The following KDM4B variants were observed in gnomAD, a reference collection of about 807,000 sequenced individuals.
KDM4B encodes the protein lysine demethylase 4B.
In KDM4B, 32 loss-of-function variants were observed where a neutral mutation model predicts 125.2. The ratio of observed to expected loss-of-function variants is 0.26; its 90% CI spans 0.19 to 0.34. The LOEUF is 0.34. Ranked by LOEUF, KDM4B falls within the 10% of genes least tolerant of loss-of-function variation. KDM4B has a pLI of 1.00. For synonymous variants in KDM4B, 721 were observed against 677.9 expected, an observed-to-expected ratio of 1.06 and a Z score of -0.99; for missense variants, 1,190 against 1,577.7, an observed-to-expected ratio of 0.75 and a Z score of 4.16.
At position 5,151,631 on chromosome 19, in the gene KDM4B, C is replaced by T. The variant is rs1409450050; in HGVS notation, c.*120C>T. The T allele has an allele frequency of 2.5e-5, 23 of 921,786 alleles. 1 individual carries two copies. Among genetic ancestry groups the T allele is most frequent in the East Asian group, 1.3e-4 (4 of 30,240 alleles). 57.1% of individuals were successfully genotyped at this position (921,786 alleles called of 1,614,324 possible). The stretch of plus-strand genomic sequence containing the variant: ...GACCCCCGAGAGGCCACCTCCAAGC[C>T]GCGGGTGCCCCCTAGGGCGACAGGA... On this transcript the variant is annotated 3_prime_UTR_variant, in exon 23 of 23. Transcript: ENST00000159111.
chr19:5,076,685 C>T (rs1599564913), intron 7 of KDM4B: 1 of 162,590 alleles, frequency 6.2e-6, no homozygotes. Context: ...ACACTGCGTC[C>T]TTTCCCCAGG....
rs550433965 is a variant in KDM4B, at chr19:5,125,717, T to C, written c.1316-5359T>C. Among the ~76,000 whole-genome samples, 103 of 152,274 alleles carry C rather than the reference T, an allele frequency of 6.8e-4. 1 individual carries two copies. The highest frequency in any genetic ancestry group is 2.4e-3 in the African/African-American group (98 of 41,566). ...GGGACCAGCGAGGAGGGTTAGGGGC[T>C]ACGTTGGTGGCACGTCAGGGTCTCT... On this transcript the variant is annotated intron_variant, in intron 11 of 22. Transcript: ENST00000159111.
chr19:5,137,844 G>C (rs529391785), intron 17 of KDM4B, 118 bp from the exon 18 acceptor site: 464 of 1,062,796 alleles, frequency 4.4e-4, no homozygotes, highest in Non-Finnish European at 5.7e-4. Context: ...CGCCTGCACC[G>C]ACCTTCCTGA....
intron 1 of KDM4B, among the ~76,000 whole-genome samples, chr19:4,978,810 G>A (rs1457965297): frequency 2.0e-5 from 3 of 152,192 alleles, no homozygotes; most frequent in African/African-American, 7.2e-5. Context: ...CTGGGAGCTC[G>A]GGCAGCATGG....
In KDM4B at chr19:5,153,409, C is replaced by T. The variant is rs1416263632; in HGVS notation, c.*1898C>T. Reference sequence around the variant, plus strand: ...TCCTGGGCGGCCTGCGCAGATGGGCCACAGAAGGGCAGGCCGGAGCTGCAC... The same window carrying T: ...TCCTGGGCGGCCTGCGCAGATGGGCTACAGAAGGGCAGGCCGGAGCTGCAC... On this transcript the variant is annotated 3_prime_UTR_variant, in exon 23 of 23. Coordinates refer to ENST00000159111, the MANE Select transcript of KDM4B (RefSeq NM_015015.3). 6.6e-6 allele frequency: 1 copy of T among 152,290 alleles called. No individual in the cohort carries two copies. The highest frequency in any genetic ancestry group is 1.5e-5 in the Non-Finnish European group (1 of 68,086). The allele number at this position is 152,290 out of a possible 1,614,324, so 9.4% of individuals were successfully genotyped here. A position where few individuals can be genotyped will look rare whatever the true frequency, so the allele number is the denominator to read the frequency against.
rs1477350415 is a variant in KDM4B, at chr19:5,153,444, A to G, written c.*1933A>G. 3.3e-5 allele frequency: 5 copies of G among 152,244 alleles called. No individual in the cohort carries two copies. Among genetic ancestry groups the G allele is most frequent in the Non-Finnish European group, 7.3e-5 (5 of 68,062 alleles). 9.4% of individuals were successfully genotyped at this position (152,244 alleles called of 1,614,324 possible). A position where few individuals can be genotyped will look rare whatever the true frequency, so the allele number is the denominator to read the frequency against. ...CAGGCCGGAGCTGCACACTCTCCCC[A>G]CGAAGGTATCTCTGTGTCTTACTCT... On this transcript the variant is annotated 3_prime_UTR_variant, in exon 23 of 23. Coordinates refer to ENST00000159111, the MANE Select transcript of KDM4B (RefSeq NM_015015.3).
At chr19:5,133,759 C>A in intron 13 of KDM4B, 124 bp from the exon 14 acceptor site, 1 of 950,752 alleles carries the variant, frequency 1.1e-6, no homozygotes, top group South Asian at 1.6e-5. Context: ...AGCTATGGGC[C>A]AGGGACCCTG....
At position 4,997,343 on chromosome 19, in the gene KDM4B, T is replaced by C. The variant is rs747263151; in HGVS notation, c.-108-18914T>C. The stretch of plus-strand genomic sequence containing the variant: ...CGAGTTTGTGTCCCACTTAGAGAGG[T>C]TTCCCCCGCCCTAGGAGTCCAGGAG... On this transcript the variant is annotated intron_variant, in intron 1 of 22. Transcript: ENST00000159111. This position sits in a 1 kb window ranked among gnomAD's most constrained non-coding sequence, Gnocchi z 4.2. 6.6e-6 allele frequency among the ~76,000 whole-genome samples: 1 copy of C among 152,072 alleles called. No individual in the cohort carries two copies. Among genetic ancestry groups the C allele is most frequent in the African/African-American group, 2.4e-5 (1 of 41,410 alleles).
intron 6 of KDM4B, among the ~76,000 whole-genome samples, chr19:5,049,705 A>G (rs1439332147): frequency 4.6e-5 from 7 of 152,064 alleles, no homozygotes; most frequent in Admixed American, 4.6e-4. Flanking sequence ...ACAGGCATAG[A>G]CCAGGTGACC....
At chr19:5,008,315 T>C (rs2035622939) in intron 1 of KDM4B, among the ~76,000 whole-genome samples, 1 of 152,242 alleles carries the variant, frequency 6.6e-6, no homozygotes, top group African/African-American at 2.4e-5. Flanking sequence ...GAAAATCACC[T>C]GACTTTAAGC....
intron 1 of KDM4B, among the ~76,000 whole-genome samples, chr19:4,974,046 C>T (rs1368217270): frequency 2.6e-5 from 4 of 151,644 alleles, no homozygotes; most frequent in East Asian, 3.9e-4. Flanking sequence ...AGGAGAATTG[C>T]ACCGAGATCC....
chr19:4,998,946 A>G (rs1273695074), intron 1 of KDM4B, among the ~76,000 whole-genome samples: 1 of 152,058 alleles, frequency 6.6e-6, no homozygotes, highest in Non-Finnish European at 1.5e-5. Flanking sequence ...AATTTGTCCC[A>G]TTTCTGGTGA....
rs746390652 is a variant in KDM4B at position 5,141,782 on chromosome 19, G to A, written c.2551-2185G>A. Among the ~76,000 whole-genome samples, 10 of 152,142 alleles carry A rather than the reference G, an allele frequency of 6.6e-5. No homozygotes were observed. The highest frequency in any genetic ancestry group is 9.7e-5 in the African/African-American group (4 of 41,442). ...GCTGCTGAGAAGCTTCTCACCTACCGGCTGGGCAGGTTCCTGGCAGCAGGC... is the reference window on the plus strand; with the variant it reads ...GCTGCTGAGAAGCTTCTCACCTACCAGCTGGGCAGGTTCCTGGCAGCAGGC... On this transcript the variant is annotated intron_variant, in intron 18 of 22. Coordinates refer to ENST00000159111, the MANE Select transcript of KDM4B (RefSeq NM_015015.3). This position sits in a 1 kb window ranked among gnomAD's most constrained non-coding sequence, Gnocchi z 6.4.
intron 5 of KDM4B, among the ~76,000 whole-genome samples, chr19:5,046,499 G>C (rs746490002): frequency 6.6e-6 from 1 of 152,184 alleles, no homozygotes; most frequent in Non-Finnish European, 1.5e-5. Context: ...AACAGCTGGT[G>C]GGGGGTGGAT....
intron 11 of KDM4B, among the ~76,000 whole-genome samples, chr19:5,127,063 G>T (rs1361806353): frequency 6.6e-6 from 1 of 152,216 alleles, no homozygotes; most frequent in African/African-American, 2.4e-5. Context: ...AGGCAGGCTA[G>T]TGAGCCCTGG....
chr19:5,126,544 G>A (rs965174475), intron 11 of KDM4B, among the ~76,000 whole-genome samples: 8 of 152,314 alleles, frequency 5.3e-5, no homozygotes, highest in African/African-American at 9.6e-5. Context: ...CGGTGAGTGG[G>A]GCAGCCAGCC....
At chr19:5,011,331 C>G (rs533777695) in intron 1 of KDM4B, among the ~76,000 whole-genome samples, 2 of 152,188 alleles carry the variant, frequency 1.3e-5, no homozygotes, top group Non-Finnish European at 2.9e-5. Flanking sequence ...GAAGTAGGAA[C>G]GCTAACCCAT....
chr19:5,150,278 C>A, intron 21 of KDM4B, 80 bp from the exon 22 acceptor site: 1 of 1,244,250 alleles, frequency 8.0e-7, no homozygotes, highest in Non-Finnish European at 1.1e-6. Flanking sequence ...GCTGGCCTCC[C>A]AGCTCTTGAG....
chr19:4,996,559 A>G (rs577631216), intron 1 of KDM4B, among the ~76,000 whole-genome samples: 1 of 148,706 alleles, frequency 6.7e-6, no homozygotes, highest in African/African-American at 2.5e-5. Context: ...TTTTTTTAGT[A>G]GTGACGCGGT....
Sources: allele counts gnomAD v4.1 joint callset (sites outside exome capture counted in the v4.1 genomes callset), GRCh38; gene constraint gnomAD v4.1.1; non-coding constraint Gnocchi (gnomAD v3.1); transcripts MANE v1.5; gene names NCBI Gene and HGNC (gene_info 2026-07-23, HGNC 2026-07-21).